Variants in SLC25A13 observed in about 807,000 individuals in gnomAD.
SLC25A13 encodes solute carrier family 25 member 13.
Under a neutral mutation model 85.5 loss-of-function variants are expected in SLC25A13, and 70 were observed. The ratio of observed to expected loss-of-function variants is 0.82; its 90% confidence interval spans 0.68 to 1.00. SLC25A13 has a LOEUF of 1.00. Among genes scored for constraint, SLC25A13 ranks in the 50% least tolerant of loss-of-function variants. SLC25A13 has a pLI of 0.00. For missense variants in SLC25A13, 765 were observed against 819.8 expected, an observed-to-expected ratio of 0.93 and a Z score of 0.82; for synonymous variants, 259 against 288.7, an observed-to-expected ratio of 0.90 and a Z score of 1.04.
intron 3 of SLC25A13, among the ~76,000 whole-genome samples, chr7:96,273,443 T>G (rs1171297519): frequency 6.6e-6 from 1 of 152,204 alleles, no homozygotes; most frequent in Admixed American, 6.5e-5. Context: ...AGACATTAGC[T>G]GATACTTGAC....
intron 4 of SLC25A13, among the ~76,000 whole-genome samples, chr7:96,218,440 A>G (rs576348305): frequency 6.6e-6 from 1 of 152,308 alleles, no homozygotes; most frequent in East Asian, 1.9e-4. Context: ...AAGTGGTTAG[A>G]CTGAATTTGT....
chr7:96,167,191 G>A (rs558598903), intron 13 of SLC25A13, among the ~76,000 whole-genome samples: 2 of 152,154 alleles, frequency 1.3e-5, no homozygotes, highest in African/African-American at 4.8e-5. Context: ...AATCTCAAAT[G>A]CAAAAAATGA....
In SLC25A13 at chr7:96,144,079, A is replaced by C. The variant is rs544895789; in HGVS notation, c.1452+2477T>G. 3.9e-5 allele frequency among the ~76,000 whole-genome samples: 6 copies of C among 152,330 alleles called. No individual in the cohort carries two copies. The South Asian group carries it at 1.0e-3, about 26-fold the overall frequency. On this transcript the variant is annotated intron_variant, in intron 14 of 17. Transcript: ENST00000265631. Reference sequence around the variant, plus strand: ...TACTAAAAAGTGCTATCCTGAAACAAAAACACATTAAACTACAAAGCAATG... The same window carrying C: ...TACTAAAAAGTGCTATCCTGAAACACAAACACATTAAACTACAAAGCAATG...
At chr7:96,237,532 TCA>T (rs1222362581) in intron 3 of SLC25A13, among the ~76,000 whole-genome samples, 2 of 152,086 alleles carry the variant, frequency 1.3e-5, no homozygotes, top group African/African-American at 2.4e-5. Flanking sequence ...TAAAAATCAC[TCA>T]GTTTCTGGAT....
At chr7:96,199,227 C>T (rs1005678154) in intron 5 of SLC25A13, among the ~76,000 whole-genome samples, 1 of 152,144 alleles carries the variant, frequency 6.6e-6, no homozygotes, top group Non-Finnish European at 1.5e-5. Context: ...CAGTCGGCTT[C>T]TGGAGCCATG....
chr7:96,307,964 C>T (rs1331484792), intron 1 of SLC25A13, among the ~76,000 whole-genome samples: 1 of 151,888 alleles, frequency 6.6e-6, no homozygotes, highest in African/African-American at 2.4e-5. Context: ...CCAGCCTGAC[C>T]ACCACGGAGA....
At chr7:96,309,629 G>C (rs558475337) in intron 1 of SLC25A13, 1 of 152,290 alleles carries the variant, frequency 6.6e-6, no homozygotes, top group African/African-American at 2.4e-5. Flanking sequence ...TGAATGCTAT[G>C]CAACAGTTAC....
chr7:96,152,457 G>A (rs761051542), intron 13 of SLC25A13, among the ~76,000 whole-genome samples: 3 of 152,224 alleles, frequency 2.0e-5, no homozygotes, highest in African/African-American at 4.8e-5. Context: ...ACTGAATAGA[G>A]GTGGCTGGGT....
At chr7:96,137,841 T>C (rs1056812160) in intron 14 of SLC25A13, among the ~76,000 whole-genome samples, 1 of 152,320 alleles carries the variant, frequency 6.6e-6, no homozygotes, top group African/African-American at 2.4e-5. Context: ...GCCAGGATGG[T>C]CCTGACCTTT....
chr7:96,258,646 A>G (rs772496775), intron 3 of SLC25A13, among the ~76,000 whole-genome samples: 38 of 152,348 alleles, frequency 2.5e-4, no homozygotes, highest in Non-Finnish European at 4.4e-4. Flanking sequence ...TGACCAAAGT[A>G]ATTTATAGAT....
intron 13 of SLC25A13, among the ~76,000 whole-genome samples, chr7:96,166,158 C>T (rs1029373779): frequency 2.0e-5 from 3 of 152,188 alleles, no homozygotes; most frequent in Admixed American, 6.5e-5. Flanking sequence ...GTTTTTCCAA[C>T]TCAAAATGCA....
intron 15 of SLC25A13, among the ~76,000 whole-genome samples, chr7:96,127,368 C>T (rs1469246285): frequency 6.6e-6 from 1 of 152,148 alleles, no homozygotes; most frequent in East Asian, 1.9e-4. Flanking sequence ...TAGTCTTGTT[C>T]TATCTTGTGA....
intron 15 of SLC25A13, among the ~76,000 whole-genome samples, chr7:96,128,091 C>T (rs2116408482): frequency 6.6e-6 from 1 of 152,318 alleles, no homozygotes. Context: ...AGCAAGGTTC[C>T]ACACTCAGCC....
chr7:96,203,171 C>T (rs917790727), intron 5 of SLC25A13, among the ~76,000 whole-genome samples: 8 of 152,256 alleles, frequency 5.3e-5, no homozygotes, highest in African/African-American at 1.9e-4. Flanking sequence ...GATAAAGAGC[C>T]GTTTACCTTT....
chr7:96,197,936 C>G (rs752193658), intron 5 of SLC25A13, among the ~76,000 whole-genome samples: 10 of 152,102 alleles, frequency 6.6e-5, no homozygotes, highest in African/African-American at 1.2e-4. Flanking sequence ...GAGTTTAGCA[C>G]AGTACACAGA....
chr7:96,270,425 G>A (rs148005409), intron 3 of SLC25A13, among the ~76,000 whole-genome samples: 13 of 151,984 alleles, frequency 8.6e-5, no homozygotes, highest in African/African-American at 2.2e-4. Flanking sequence ...GCACGGTGGC[G>A]GACCCCTGTA....
chr7:96,271,879 A>AT (rs1798252537), intron 3 of SLC25A13, among the ~76,000 whole-genome samples: 1 of 151,564 alleles, frequency 6.6e-6, no homozygotes, highest in African/African-American at 2.4e-5. Context: ...ATTTTATTTT[A>AT]TTTATTTTAT....
rs1345283071 is a variant in SLC25A13, at chr7:96,193,268, GAAGA to G, written c.469-89_469-86del. 2.4e-5 allele frequency: 36 copies of G among 1,504,704 alleles called. No homozygotes were observed. In the African/African-American group the frequency reaches 2.8e-4, roughly 12 times the overall value. The allele number at this position is 1,504,704 out of a possible 1,614,324, so 93.2% of individuals were successfully genotyped here. On this transcript the variant is annotated intron_variant, in intron 5 of 17. Transcript: ENST00000265631. ...TGACAGTTCATTTTAAAATCAGACT[GAAGA>G]AAGAGAGTTTACATCTTGATCTAAC...
intron 3 of SLC25A13, among the ~76,000 whole-genome samples, chr7:96,237,017 A>G (rs897983150): frequency 1.3e-5 from 2 of 152,200 alleles, no homozygotes; most frequent in Non-Finnish European, 2.9e-5. Flanking sequence ...GGTGCAACCC[A>G]TGAAGCAGCA....
Sources: allele counts gnomAD v4.1 joint callset (sites outside exome capture counted in the v4.1 genomes callset), GRCh38; gene constraint gnomAD v4.1.1; transcripts MANE v1.5; gene names NCBI Gene and HGNC (gene_info 2026-07-23, HGNC 2026-07-21).